Variants in CNOT4 observed in about 807,000 individuals in gnomAD.
CNOT4 encodes CCR4-NOT transcription complex subunit 4, also known as CCR4-associated factor 4.
In CNOT4, 8 loss-of-function variants were observed where a neutral mutation model predicts 73.8. The ratio of observed to expected loss-of-function variants is 0.11; its 90% CI spans 0.06 to 0.20. The LOEUF is 0.20. CNOT4 is among the 10% of genes least tolerant of loss of function. CNOT4 has a pLI of 1.00. For missense variants in CNOT4, 564 were observed against 883.4 expected, an observed-to-expected ratio of 0.64 and a Z score of 4.58; for synonymous variants, 293 against 321.1, an observed-to-expected ratio of 0.91 and a Z score of 0.94.
chr7:135,426,975 C>T (rs528443175), intron 2 of CNOT4, among the ~76,000 whole-genome samples: 2 of 149,784 alleles, frequency 1.3e-5, no homozygotes, highest in East Asian at 3.9e-4. Flanking sequence ...GACTAAAACA[C>T]ATGTTAAATT....
intron 2 of CNOT4, among the ~76,000 whole-genome samples, chr7:135,436,436 C>A (rs1799159687): frequency 6.6e-6 from 1 of 151,732 alleles, no homozygotes; most frequent in Non-Finnish European, 1.5e-5. Flanking sequence ...TCCTGAAAGT[C>A]ATTACTTCTG....
intron 1 of CNOT4, among the ~76,000 whole-genome samples, chr7:135,485,280 CA>C (rs1802645054): frequency 6.6e-6 from 1 of 152,158 alleles, no homozygotes; most frequent in Non-Finnish European, 1.5e-5. Context: ...CCATGTTGGC[CA>C]GGATAGTCTT....
At chr7:135,382,898 T>C (rs777385149) in intron 10 of CNOT4, among the ~76,000 whole-genome samples, 1 of 152,174 alleles carries the variant, frequency 6.6e-6, no homozygotes, top group Non-Finnish European at 1.5e-5. Flanking sequence ...CCCCTACAGA[T>C]ACCTAGGGAT....
intron 2 of CNOT4, among the ~76,000 whole-genome samples, chr7:135,427,935 T>C (rs1798597458): frequency 6.6e-6 from 1 of 152,154 alleles, no homozygotes; most frequent in Admixed American, 6.5e-5. Flanking sequence ...CACCAGCTCA[T>C]GGTAGTCTTT....
At chr7:135,497,963 C>T (rs1405918322) in intron 1 of CNOT4, among the ~76,000 whole-genome samples, 1 of 152,196 alleles carries the variant, frequency 6.6e-6, no homozygotes, top group Non-Finnish European at 1.5e-5. Flanking sequence ...ACAGCAAACA[C>T]TTAGACAAAG....
intron 10 of CNOT4, among the ~76,000 whole-genome samples, chr7:135,389,328 GT>G (rs1429483975): frequency 6.6e-6 from 1 of 151,918 alleles, no homozygotes; most frequent in Non-Finnish European, 1.5e-5. Context: ...ACAAATCCAT[GT>G]TTTGAAAGCA....
At chr7:135,401,994 A>G (rs1797026056) in intron 7 of CNOT4, among the ~76,000 whole-genome samples, 1 of 152,232 alleles carries the variant, frequency 6.6e-6, no homozygotes, top group African/African-American at 2.4e-5. Flanking sequence ...TGCTGTATGT[A>G]TAAATCCCTG....
intron 7 of CNOT4, among the ~76,000 whole-genome samples, chr7:135,398,583 T>C (rs1303865097): frequency 6.6e-6 from 1 of 151,986 alleles, no homozygotes; most frequent in East Asian, 1.9e-4. Flanking sequence ...AAAAAAAATC[T>C]GAAATCCAAA....
At chr7:135,438,506 T>A in intron 1 of CNOT4, 83 bp from the exon 2 acceptor site, 1 of 433,822 alleles carries the variant, frequency 2.3e-6, no homozygotes, top group Non-Finnish European at 3.9e-6. Context: ...GTCAAAAAAT[T>A]TGAAAAATAC....
chr7:135,393,488 G>C (rs1295052640), intron 10 of CNOT4, among the ~76,000 whole-genome samples: 2 of 152,080 alleles, frequency 1.3e-5, no homozygotes, highest in Non-Finnish European at 2.9e-5. Flanking sequence ...CCAAAAGTAG[G>C]TAGAGAGTGG....
chr7:135,383,297 A>T (rs1005729764), intron 10 of CNOT4, among the ~76,000 whole-genome samples: 1 of 152,160 alleles, frequency 6.6e-6, no homozygotes, highest in South Asian at 2.1e-4. Context: ...TCAACTACCA[A>T]ACTCATCATA....
chr7:135,500,211 G>A (rs559621664), intron 1 of CNOT4, among the ~76,000 whole-genome samples: 1 of 152,132 alleles, frequency 6.6e-6, no homozygotes, highest in African/African-American at 2.4e-5. Flanking sequence ...ACTCAACTGT[G>A]GGAAACTTTG....
chr7:135,408,666 G>T (rs1329554524), intron 7 of CNOT4, among the ~76,000 whole-genome samples: 1 of 152,018 alleles, frequency 6.6e-6, no homozygotes, highest in Non-Finnish European at 1.5e-5. Context: ...ACTCACAATG[G>T]GACAATTTGG....
chr7:135,371,968 T>C (rs527346663), intron 10 of CNOT4, among the ~76,000 whole-genome samples: 44 of 152,204 alleles, frequency 2.9e-4, no homozygotes, highest in Admixed American at 6.5e-4. Flanking sequence ...GCAGTGACCA[T>C]GAACAAAGCC....
intron 1 of CNOT4, among the ~76,000 whole-genome samples, chr7:135,507,244 C>A (rs991865536): frequency 1.3e-5 from 2 of 152,122 alleles, no homozygotes; most frequent in Non-Finnish European, 2.9e-5. Flanking sequence ...TATAATAGGC[C>A]AACTTTAAGC....
chr7:135,455,614 C>A (rs1450052853), intron 1 of CNOT4, among the ~76,000 whole-genome samples: 2 of 151,872 alleles, frequency 1.3e-5, no homozygotes, highest in Non-Finnish European at 2.9e-5. Context: ...GTGGCTCATG[C>A]CTGTAATCCC....
At chr7:135,376,873 G>A (rs1378324992) in intron 10 of CNOT4, among the ~76,000 whole-genome samples, 1 of 152,134 alleles carries the variant, frequency 6.6e-6, no homozygotes, top group Non-Finnish European at 1.5e-5. Context: ...ATCTGGTTAT[G>A]AGCTTCATTT....
intron 7 of CNOT4, among the ~76,000 whole-genome samples, chr7:135,409,313 G>A (rs376647797): frequency 1.3e-5 from 2 of 152,212 alleles, no homozygotes; most frequent in East Asian, 1.9e-4. Context: ...TGTCAAACCA[G>A]AAAGATCTGT....
chr7:135,438,128 A>T, intron 2 of CNOT4, 30 bp downstream of exon 2: 1 of 1,312,530 alleles, frequency 7.6e-7, no homozygotes, highest in South Asian at 1.2e-5. Flanking sequence ...ATTAAAACAA[A>T]TCACTGTGAA....
Sources: allele counts gnomAD v4.1 joint callset (sites outside exome capture counted in the v4.1 genomes callset), GRCh38; gene constraint gnomAD v4.1.1; transcripts MANE v1.5; gene names NCBI Gene and HGNC (gene_info 2026-07-23, HGNC 2026-07-21).